Variants in EIF3A observed in about 807,000 individuals in gnomAD.
EIF3A encodes the protein EIF3, p180 subunit.
Under a neutral mutation model 186.6 loss-of-function variants are expected in EIF3A, and 21 were observed. The observed-to-expected ratio is 0.11, with a 90% CI of 0.08 to 0.16. The LOEUF (loss-of-function observed/expected upper bound fraction) is 0.16, where lower values mean the gene tolerates loss of function less well. Among genes scored for constraint, EIF3A ranks in the 10% least tolerant of loss-of-function variants. The pLI, the probability that EIF3A is intolerant of heterozygous loss-of-function variation, is 1.00. For missense variants in EIF3A, 1,306 were observed against 1,796.3 expected, an observed-to-expected ratio of 0.73 and a Z score of 4.93; for synonymous variants, 563 against 584.3, an observed-to-expected ratio of 0.96 and a Z score of 0.52.
chr10:119,051,747 T>C (rs1342276621), intron 14 of EIF3A, among the ~76,000 whole-genome samples: 3 of 152,282 alleles, frequency 2.0e-5, no homozygotes, highest in Middle Eastern at 3.4e-3. Context: ...AAAACACCAA[T>C]GTACAAACCT....
At position 119,037,160 on chromosome 10, in the gene EIF3A, C is replaced by T; in HGVS notation, c.3878G>A (p.Arg1293Lys). The T allele has an allele frequency of 6.2e-7, 1 of 1,609,234 alleles. No homozygotes were observed. The highest frequency in any genetic ancestry group is 8.5e-7 in the Non-Finnish European group (1 of 1,177,270). Residue 1293 changes from arginine to lysine, a missense_variant, in exon 21 of 22, where the codon AGG becomes AAG. By Grantham distance (26) the Arg-to-Lys change is conservative. This residue lies in a region of EIF3A where 331 missense variants were observed against 365.8 expected (regional missense o/e 0.90). Transcript: ENST00000369144. Reference sequence around the variant, plus strand: ...TCTGAGTGGAGGTCCTCTTCGGTCCCTGTCGTCTCTTAGATCTCGTCTTTC... The same window carrying T: ...TCTGAGTGGAGGTCCTCTTCGGTCCTTGTCGTCTCTTAGATCTCGTCTTTC... The part of the protein sequence containing the change: ...LRERRDLRDD[R>K]DRRGPPLRSE...
chr10:119,063,609 C>A (rs750491546), intron 7 of EIF3A, among the ~76,000 whole-genome samples: 7 of 152,144 alleles, frequency 4.6e-5, no homozygotes, highest in Non-Finnish European at 8.8e-5. Flanking sequence ...CTTTCTCTTA[C>A]CCCAAAGTAA....
Position 119,038,295 on chromosome 10 carries a change from T to G in EIF3A, c.3671A>C (p.Glu1224Ala). ...ATCTCTCTCTCTGTCCCTTTCTCTC[T>G]CAGGGTCCTTGTCATTCTCCTCCCG... ...QDREENDKDPERERDRERDVD... is the reference protein window; with the variant it reads ...QDREENDKDPARERDRERDVD... The change falls in exon 20 of 22, where the codon GAG becomes GCG. Residue 1224 changes from glutamate (E) to alanine (A), a missense_variant. By Grantham distance (107) the Glu-to-Ala change is moderately radical. This residue lies in a region of EIF3A where 331 missense variants were observed against 365.8 expected (regional missense o/e 0.90). Coordinates refer to ENST00000369144, the MANE Select transcript of EIF3A (RefSeq NM_003750.4). The G allele has an allele frequency of 1.9e-6, 3 of 1,614,140 alleles. No homozygotes were observed. The highest frequency in any genetic ancestry group is 2.5e-6 in the Non-Finnish European group (3 of 1,180,026).
chr10:119,078,432 T>C (rs2133426468), intron 1 of EIF3A, among the ~76,000 whole-genome samples: 1 of 152,356 alleles, frequency 6.6e-6, no homozygotes, highest in Non-Finnish European at 1.5e-5. Flanking sequence ...AAATTAGGTC[T>C]AAATATTGTT....
At chr10:119,064,811 G>A (rs1436662660) in intron 7 of EIF3A, among the ~76,000 whole-genome samples, 3 of 152,132 alleles carry the variant, frequency 2.0e-5, no homozygotes, top group Non-Finnish European at 2.9e-5. Flanking sequence ...GGGTTCCAGC[G>A]ATTCTCCTGA....
At chr10:119,059,064 T>A (rs928571351) in intron 11 of EIF3A, 148 bp downstream of exon 11, 9 of 676,586 alleles carry the variant, frequency 1.3e-5, no homozygotes, top group Non-Finnish European at 2.0e-5. Flanking sequence ...TTTGATCAAA[T>A]AACAAAACTA....
intron 7 of EIF3A, among the ~76,000 whole-genome samples, chr10:119,061,627 T>C (rs1843888990): frequency 2.0e-5 from 3 of 152,108 alleles, no homozygotes; most frequent in East Asian, 3.9e-4. Flanking sequence ...CTGTGGCCAA[T>C]AGAATATTTT....
At chr10:119,038,105 T>C (rs1589683650) in intron 20 of EIF3A, 133 bp downstream of exon 20, 1 of 747,376 alleles carries the variant, frequency 1.3e-6, no homozygotes, top group Non-Finnish European at 2.3e-6. Context: ...TTAGTAGAGA[T>C]GGGGTTTCAC....
At chr10:119,068,259 G>A (rs1315094218) in intron 6 of EIF3A, among the ~76,000 whole-genome samples, 1 of 152,078 alleles carries the variant, frequency 6.6e-6, no homozygotes, top group African/African-American at 2.4e-5. Context: ...GGAAAAAATT[G>A]GTCTATAGGT....
At chr10:119,067,288 C>T (rs1412993506) in intron 6 of EIF3A, among the ~76,000 whole-genome samples, 1 of 151,318 alleles carries the variant, frequency 6.6e-6, no homozygotes, top group African/African-American at 2.4e-5. Context: ...TCAAGAGTTT[C>T]TAAGAAAATA....
chr10:119,048,243 G>A (rs962416724), intron 17 of EIF3A, among the ~76,000 whole-genome samples: 2 of 151,800 alleles, frequency 1.3e-5, no homozygotes, highest in African/African-American at 4.9e-5. Context: ...ACAACATAGA[G>A]GAAGGTCTGA....
At chr10:119,064,550 G>A (rs1008278038) in intron 7 of EIF3A, among the ~76,000 whole-genome samples, 7 of 152,086 alleles carry the variant, frequency 4.6e-5, no homozygotes, top group African/African-American at 9.7e-5. Context: ...TGCTCCAGCC[G>A]TATAAGCCAT....
Position 119,080,754 on chromosome 10 carries a change from C to T in EIF3A, c.-78G>A, listed in dbSNP as rs1844252711. The T allele has an allele frequency of 6.5e-7, 1 of 1,535,100 alleles. No individual in the cohort carries two copies. Among genetic ancestry groups the T allele is most frequent in the South Asian group, 1.2e-5 (1 of 82,244 alleles). On this transcript the variant is annotated 5_prime_UTR_variant, in exon 1 of 22. Transcript: ENST00000369144. ...GCCGGGAGAGGAGACGAAGGGGAACCAGCGTAAGGTCCCACGCGCCTCGCC... is the reference window on the plus strand; with the variant it reads ...GCCGGGAGAGGAGACGAAGGGGAACTAGCGTAAGGTCCCACGCGCCTCGCC...
intron 7 of EIF3A, among the ~76,000 whole-genome samples, chr10:119,062,743 C>CTTTTTTT (rs372690463): frequency 9.1e-4 from 83 of 91,020 alleles, no homozygotes; most frequent in Admixed American, 1.1e-3. Context: ...AAGAGATCAC[C>CTTTTTTT]TTTTTTTTTT....
chr10:119,070,385 AG>A (rs1844052457), intron 5 of EIF3A, among the ~76,000 whole-genome samples: 1 of 152,236 alleles, frequency 6.6e-6, no homozygotes, highest in African/African-American at 2.4e-5. Flanking sequence ...CCAAACAATC[AG>A]TAGTAAAGGA....
At chr10:119,065,692 G>A in intron 6 of EIF3A, 122 bp from the exon 7 acceptor site, 1 of 658,302 alleles carries the variant, frequency 1.5e-6, no homozygotes, top group Non-Finnish European at 2.7e-6. Flanking sequence ...TCACCATGGT[G>A]CACTATACTC....
intron 6 of EIF3A, among the ~76,000 whole-genome samples, chr10:119,066,833 G>T (rs987720295): frequency 6.6e-6 from 1 of 152,136 alleles, no homozygotes; most frequent in African/African-American, 2.4e-5. Flanking sequence ...AATGTACTAA[G>T]AGCTAGACAG....
Position 119,036,003 on chromosome 10 carries a change from A to G in EIF3A, c.*36T>C. On this transcript the variant is annotated 3_prime_UTR_variant, in exon 22 of 22. Coordinates refer to ENST00000369144, the MANE Select transcript of EIF3A (RefSeq NM_003750.4). ...ATAATCCTTGAATGTGATCAAACCT[A>G]TTTAAGACACCAGTTTAAATCCATT... is the stretch of plus-strand genomic sequence containing the variant. 1 of 1,494,658 alleles carries G rather than the reference A, an allele frequency of 6.7e-7. No individual in the cohort carries two copies. The highest frequency in any genetic ancestry group is 9.3e-7 in the Non-Finnish European group (1 of 1,071,230). 92.6% of individuals were successfully genotyped at this position (1,494,658 alleles called of 1,614,324 possible).
rs1843947125 is a variant in EIF3A at position 119,064,924 on chromosome 10, G to A, written c.1122+475C>T. Among the ~76,000 whole-genome samples, 6 of 152,166 alleles carry A rather than the reference G, an allele frequency of 3.9e-5. No individual in the cohort carries two copies. In the South Asian group the frequency reaches 1.2e-3, roughly 32 times the overall value. ...CGGGTTTCGCCATGTTTGCCAGGCT[G>A]GTCTTGAATTCCTGACCTCAGGTGA... On this transcript the variant is annotated intron_variant, in intron 7 of 21. Transcript: ENST00000369144.
Sources: gnomAD v4.1 joint callset for allele counts (sites outside exome capture counted in the v4.1 genomes callset) on GRCh38, gnomAD v4.1.1 for gene constraint, gnomAD v4.1.1 regional missense constraint, MANE v1.5 for transcripts, NCBI Gene and HGNC (gene_info 2026-07-23, HGNC 2026-07-21) for gene names.